The following JAK1 variants were observed in gnomAD, a reference collection of about 807,000 sequenced individuals.
JAK1 encodes the protein tyrosine-protein kinase JAK1.
In JAK1, 16 loss-of-function variants were observed where a neutral mutation model predicts 136.6. The ratio of observed to expected loss-of-function variants is 0.12; its 90% confidence interval spans 0.08 to 0.18. The LOEUF (loss-of-function observed/expected upper bound fraction) is 0.18, where lower values mean the gene tolerates loss of function less well. Among genes scored for constraint, JAK1 ranks in the 10% least tolerant of loss-of-function variants. The probability of loss-of-function intolerance (pLI) is 1.00; values close to 1 mark genes in which losing one functional copy is unlikely to be tolerated. For missense variants in JAK1, 859 were observed against 1,450.1 expected (o/e 0.59, Z 6.62); for synonymous variants, 492 against 519.5 (o/e 0.95, Z 0.72).
At chr1:64,899,270 T>C (rs1472546611) in intron 1 of JAK1, among the ~76,000 whole-genome samples, 2 of 152,206 alleles carry the variant, frequency 1.3e-5, no homozygotes, top group Non-Finnish European at 2.9e-5. Context: ...CCTATAATCA[T>C]GGTGAAAAGG....
intron 1 of JAK1, among the ~76,000 whole-genome samples, chr1:64,929,969 G>A (rs1034296773): frequency 6.6e-6 from 1 of 152,174 alleles, no homozygotes; most frequent in Non-Finnish European, 1.5e-5. Context: ...TGGGAAAACT[G>A]GCTAGCCATA....
At chr1:65,038,401 G>A (rs1300181344) in intron 2 of JAK1, among the ~76,000 whole-genome samples, 1 of 151,674 alleles carries the variant, frequency 6.6e-6, no homozygotes, top group Non-Finnish European at 1.5e-5. Flanking sequence ...GCTTCCCCAT[G>A]TTGGTCAGGC....
At chr1:64,985,902 A>T in intron 2 of JAK1, 1 of 717,186 alleles carries the variant, frequency 1.4e-6, no homozygotes, top group Non-Finnish European at 2.4e-6. Flanking sequence ...GGCCATAGAC[A>T]AGCACCAAAG....
chr1:64,838,387 A>G, intron 21 of JAK1, 78 bp downstream of exon 21: 3 of 1,439,298 alleles, frequency 2.1e-6, no homozygotes, highest in Non-Finnish European at 2.9e-6. Flanking sequence ...TTACCCACTT[A>G]GAGTCAAATT....
At chr1:64,949,500 A>G (rs760617031) in intron 1 of JAK1, among the ~76,000 whole-genome samples, 12 of 152,236 alleles carry the variant, frequency 7.9e-5, no homozygotes, top group Non-Finnish European at 5.9e-5. Flanking sequence ...CTTCACATTC[A>G]AGTGCACATT....
At chr1:64,879,287 C>G (rs148801098) in intron 3 of JAK1, 139 bp from the exon 4 acceptor site, 2 of 970,012 alleles carry the variant, frequency 2.1e-6, no homozygotes, top group East Asian at 2.7e-5. Flanking sequence ...TTAGGGCAAA[C>G]AGACTTCCGA....
Position 65,050,911 on chromosome 1 carries a change from A to G in JAK1, c.-180-6329T>C, listed in dbSNP as rs182692197. Among the ~76,000 whole-genome samples, 498 of 152,286 alleles carry G rather than the reference A, an allele frequency of 3.3e-3. 2 individuals carry two copies. Among genetic ancestry groups the G allele is most frequent in the African/African-American group, 0.011 (475 of 41,568 alleles). ...AGCCTCCTCAGGTTCTTCAATTAGG[A>G]AACATGGAGAACTCTTCTACTCTTT... is the stretch of plus-strand genomic sequence containing the variant. On this transcript the variant is annotated intron_variant, in intron 1 of 25. Coordinates refer to the JAK1 transcript ENST00000671954.
intron 3 of JAK1, among the ~76,000 whole-genome samples, chr1:64,881,170 G>C (rs1213715729): frequency 2.0e-5 from 3 of 151,772 alleles, no homozygotes; most frequent in Non-Finnish European, 4.4e-5. Flanking sequence ...GCTAAGACTG[G>C]AGGACCTTTT....
At chr1:64,928,262 C>T (rs564195474) in intron 1 of JAK1, among the ~76,000 whole-genome samples, 1 of 152,278 alleles carries the variant, frequency 6.6e-6, no homozygotes, top group South Asian at 2.1e-4. Flanking sequence ...ATCATATTGG[C>T]CTCTAGTACT....
intron 5 of JAK1, 140 bp downstream of exon 5, chr1:64,873,230 C>G (rs943708157): frequency 4.5e-5 from 40 of 889,302 alleles, no homozygotes; most frequent in Non-Finnish European, 5.9e-5. Context: ...TGGGGCAAGT[C>G]CAGGTGTGGC....
At chr1:65,012,792 G>A (rs149177125) in intron 2 of JAK1, among the ~76,000 whole-genome samples, 1 of 139,200 alleles carries the variant, frequency 7.2e-6, no homozygotes, top group East Asian at 2.0e-4. Flanking sequence ...GTAAGACCCT[G>A]TCTCAAAAAA....
At chr1:64,915,015 C>T (rs1645368845) in intron 1 of JAK1, among the ~76,000 whole-genome samples, 2 of 152,078 alleles carry the variant, frequency 1.3e-5, no homozygotes, top group African/African-American at 4.8e-5. Flanking sequence ...ACTTCAAATC[C>T]CACTTACTAG....
Position 64,864,787 on chromosome 1 carries a change from C to T in JAK1, c.1176G>A (p.Met392Ile). 2 of 1,608,608 alleles carry T rather than the reference C, an allele frequency of 1.2e-6. No homozygotes were observed. Among genetic ancestry groups the T allele is most frequent in the Non-Finnish European group, 1.7e-6 (2 of 1,177,144 alleles). ...TTAAGAGCTTCTGGGACAAACTTAC[C>T]ATTTTCTTGTTGTCCTGCTTGTTAA... is the stretch of plus-strand genomic sequence containing the variant. ...VSINKQDNKK[M>I]ELKLSSHEEA... The change falls in exon 8 of 25, where the codon ATG becomes ATA. Residue 392 changes from methionine to isoleucine, a missense_variant and splice_region_variant. Around this residue, in one of 4 missense-constraint regions of JAK1, gnomAD observed 353 missense variants for 494.0 expected, o/e 0.71. Transcript: ENST00000342505.
intron 2 of JAK1, among the ~76,000 whole-genome samples, chr1:65,021,348 G>A (rs757988688): frequency 2.0e-5 from 3 of 152,184 alleles, no homozygotes; most frequent in Admixed American, 6.5e-5. Context: ...ATGACAAGGC[G>A]TACATTGGTA....
At chr1:64,837,856 A>G in intron 22 of JAK1, 76 bp downstream of exon 22, 3 of 1,262,130 alleles carry the variant, frequency 2.4e-6, no homozygotes, top group Non-Finnish European at 3.3e-6. Context: ...ACACATTAAT[A>G]TAGCCAGAAA....
chr1:65,012,951 C>T (rs553209247), intron 2 of JAK1, among the ~76,000 whole-genome samples: 2 of 151,784 alleles, frequency 1.3e-5, no homozygotes, highest in Admixed American at 1.3e-4. Flanking sequence ...ACTGGTTTAG[C>T]TGGGCGTGGT....
chr1:65,042,974 T>C (rs1647148877), intron 2 of JAK1, among the ~76,000 whole-genome samples: 1 of 152,096 alleles, frequency 6.6e-6, no homozygotes, highest in Non-Finnish European at 1.5e-5. Context: ...TTCAAGGAGT[T>C]TGGTGTGGGC....
At chr1:64,883,643 A>G (rs933209184) in intron 2 of JAK1, among the ~76,000 whole-genome samples, 168 bp from the exon 3 acceptor site, 18 of 152,240 alleles carry the variant, frequency 1.2e-4, no homozygotes, top group Admixed American at 7.2e-4. Context: ...GTCAGATCTC[A>G]TAAGAGATGA....
intron 17 of JAK1, among the ~76,000 whole-genome samples, chr1:64,842,290 T>C (rs1228586528): frequency 1.3e-5 from 2 of 152,134 alleles, no homozygotes; most frequent in Non-Finnish European, 2.9e-5. Context: ...TTTCTTTTTT[T>C]AATAGTTTCA....
Sources: allele counts gnomAD v4.1 joint callset (sites outside exome capture counted in the v4.1 genomes callset), GRCh38; gene constraint gnomAD v4.1.1; regional missense constraint gnomAD v4.1.1; transcripts MANE v1.5; gene names NCBI Gene and HGNC (gene_info 2026-07-23, HGNC 2026-07-21).